CCNI: variants seen among roughly 807,000 people sequenced by gnomAD.
The protein encoded by CCNI is cyclin I, also known as cyclin-I.
Under a neutral mutation model 34.1 loss-of-function variants are expected in CCNI, and 14 were observed. That is an observed-to-expected ratio of 0.41 (90% CI 0.27 to 0.64). CCNI has a LOEUF of 0.64. CCNI is among the 30% of genes least tolerant of loss of function. The pLI is 0.31. For missense variants in CCNI, 385 were observed against 440.5 expected (o/e 0.87, Z 1.13); for synonymous variants, 154 against 158.4 (o/e 0.97, Z 0.21).
chr4:77,055,128 A>G, intron 6 of CCNI, 22 bp downstream of exon 6: 1 of 1,482,346 alleles, frequency 6.7e-7, no homozygotes, highest in Non-Finnish European at 9.4e-7. Flanking sequence ...AAAGAACACT[A>G]TTTAATTAGA....
Position 77,056,260 on chromosome 4 carries a change from C to T in CCNI, c.307G>A (p.Glu103Lys). The T allele has an allele frequency of 1.2e-6, 2 of 1,612,944 alleles. No individual in the cohort carries two copies. The highest frequency in any genetic ancestry group is 1.7e-6 in the Non-Finnish European group (2 of 1,179,026). The change falls in exon 4 of 7, where the codon GAG becomes AAG. Residue 103 changes from glutamate to lysine, a missense_variant. Glu to Lys is a moderately conservative substitution (Grantham distance 56, BLOSUM62 1). This residue lies in a region of CCNI where 135 missense variants were observed against 191.8 expected (regional missense o/e 0.70). Coordinates refer to ENST00000237654, the MANE Select transcript of CCNI (RefSeq NM_006835.3). ...AAAGGATTTATTACCTCATCTTCCT[C>T]AACAGTCTTGGCAGCTAGGAAAAAA... ...SCFFLAAKTV[E>K]EDERIPVLKV...
At position 77,047,579 on chromosome 4, in the gene CCNI, C is replaced by CT. The variant is rs1727518313; in HGVS notation, c.*639dup. The stretch of plus-strand genomic sequence containing the variant: ...AATTACATGCCACTTTTAAGCATCA[C>CT]TTTAAGGTAAACAAAAATGAAAACC... On this transcript the variant is annotated 3_prime_UTR_variant, in exon 7 of 7. Transcript: ENST00000237654. 6.6e-6 allele frequency: 1 copy of CT among 152,164 alleles called. No homozygotes were observed. The highest frequency in any genetic ancestry group is 1.5e-5 in the Non-Finnish European group (1 of 68,058). The allele number at this position is 152,164 out of a possible 1,614,324, so 9.4% of individuals were successfully genotyped here.
intron 2 of CCNI, 129 bp downstream of exon 2, chr4:77,066,120 A>G: frequency 1.4e-6 from 1 of 713,204 alleles, no homozygotes; most frequent in Non-Finnish European, 2.3e-6. Flanking sequence ...AAACAGGGAG[A>G]GTCTCTCAAA....
intron 1 of CCNI, among the ~76,000 whole-genome samples, chr4:77,069,327 G>A (rs1272936256): frequency 2.0e-5 from 3 of 152,146 alleles, no homozygotes; most frequent in African/African-American, 7.2e-5. Flanking sequence ...TGAGGTTGCA[G>A]TGAGCCAAAA....
intron 6 of CCNI, among the ~76,000 whole-genome samples, chr4:77,054,019 T>G (rs1417386981): frequency 6.6e-6 from 1 of 152,066 alleles, no homozygotes; most frequent in Non-Finnish European, 1.5e-5. Flanking sequence ...ACTGCTCTGA[T>G]CATCAACCTT....
rs758300818 is a variant in CCNI, at chr4:77,048,562, G to C, written c.791C>G (p.Pro264Arg). 1.2e-6 allele frequency: 2 copies of C among 1,613,054 alleles called. No individual in the cohort carries two copies. The highest frequency in any genetic ancestry group is 2.2e-5 in the East Asian group (1 of 44,852). The change falls in exon 7 of 7, where the codon CCC (proline) becomes CGC (arginine). Residue 264 changes from proline to arginine, a missense_variant. Pro to Arg is a moderately radical substitution (Grantham distance 103). This residue lies in a region of CCNI where 250 missense variants were observed against 248.7 expected (regional missense o/e 1.01). Transcript: ENST00000237654. ...ACAGGTCACCAGGGTGTGCTTGAGG[G>C]GACGGTAGACATAAACGGAATTCAG... ...LPLNSVYVYR[P>R]LKHTLVTCDK...
intron 1 of CCNI, among the ~76,000 whole-genome samples, chr4:77,071,809 G>C (rs1317137628): frequency 6.6e-6 from 1 of 152,012 alleles, no homozygotes; most frequent in Non-Finnish European, 1.5e-5. Flanking sequence ...AGCTGCACTG[G>C]TGAGATGATT....
chr4:77,072,822 CTG>C (rs1729588475), intron 1 of CCNI, among the ~76,000 whole-genome samples: 2 of 151,974 alleles, frequency 1.3e-5, no homozygotes, highest in South Asian at 4.1e-4. Context: ...GAAAATTTTG[CTG>C]TGATTCTGTA....
intron 6 of CCNI, 112 bp downstream of exon 6, chr4:77,055,033 ACTCTT>A (rs1299269663): frequency 1.5e-6 from 1 of 650,010 alleles, no homozygotes; most frequent in Admixed American, 2.9e-5. Context: ...ACTCTTGTCT[ACTCTT>A]AAGAATGGTT....
chr4:77,074,243 C>G (rs1350563250), intron 1 of CCNI, among the ~76,000 whole-genome samples: 1 of 152,118 alleles, frequency 6.6e-6, no homozygotes, highest in African/African-American at 2.4e-5. Context: ...ACTGAACTTC[C>G]CTAACACATG....
At chr4:77,064,863 G>A (rs1249106391) in intron 2 of CCNI, 1 of 152,158 alleles carries the variant, frequency 6.6e-6, no homozygotes, top group Non-Finnish European at 1.5e-5. Context: ...ATTTTTAGTA[G>A]AGATGGGGTT....
chr4:77,058,526 C>A lies in CCNI; in HGVS notation c.224G>T (p.Arg75Met). The change falls in exon 3 of 7, where the codon AGG becomes ATG. Residue 75 changes from arginine (R) to methionine (M), a missense_variant. Coordinates refer to ENST00000237654, the MANE Select transcript of CCNI (RefSeq NM_006835.3). ...ACTTACCTTTACGGTAGCTAAAAAC[C>A]TATCCAAAAGACTGCTAGCCAGAGC... ...TFALASSLLDRFLATVKAHPK... is the reference protein window; with the variant it reads ...TFALASSLLDMFLATVKAHPK... The A allele has an allele frequency of 6.2e-7, 1 of 1,612,816 alleles. No individual in the cohort carries two copies. The highest frequency in any genetic ancestry group is 8.5e-7 in the Non-Finnish European group (1 of 1,179,452).
At position 77,055,981 on chromosome 4, in the gene CCNI, G is replaced by GGT. The variant is rs1299363049; in HGVS notation, c.438_439dup (p.Pro147HisfsTer27). 6.2e-7 allele frequency: 1 copy of GGT among 1,612,382 alleles called. No individual in the cohort carries two copies. The highest frequency in any genetic ancestry group is 1.7e-5 in the Admixed American group (1 of 59,828). On this transcript the variant is annotated frameshift_variant, in exon 5 of 7. Transcript: ENST00000237654. LOFTEE classifies it high-confidence loss of function. ...ATTTACAATATGAAGAAAATCCAAT[G>GGT]GTGTGGCTGTGTGAAGATCCCAATT... is the stretch of plus-strand genomic sequence containing the variant.
Position 77,048,213 on chromosome 4 carries a change from T to C in CCNI, c.*6A>G. The C allele has an allele frequency of 1.2e-6, 2 of 1,609,240 alleles. No individual in the cohort carries two copies. The highest frequency in any genetic ancestry group is 8.5e-7 in the Non-Finnish European group (1 of 1,176,962). On this transcript the variant is annotated 3_prime_UTR_variant, in exon 7 of 7. Coordinates refer to ENST00000237654, the MANE Select transcript of CCNI (RefSeq NM_006835.3). The stretch of plus-strand genomic sequence containing the variant: ...AGTTTACACTCAAAGGTAGCACTTG[T>C]TGAAACTACATGACAGAAACAGGCT...
At chr4:77,069,085 A>G (rs1223670883) in intron 1 of CCNI, among the ~76,000 whole-genome samples, 1 of 152,216 alleles carries the variant, frequency 6.6e-6, no homozygotes, top group Non-Finnish European at 1.5e-5. Context: ...TTCTTTAATC[A>G]TGTCATAAAG....
At position 77,073,552 on chromosome 4, in the gene CCNI, CCTT is replaced by C. The variant is rs763953457; in HGVS notation, c.-44+1917_-44+1919del. Among the ~76,000 whole-genome samples, 9 of 152,202 alleles carry C rather than the reference CCTT, an allele frequency of 5.9e-5. No individual in the cohort carries two copies. The South Asian group carries it at 8.3e-4, about 14-fold the overall frequency. ...AGAAACTGAAGTTCTACTATTCCCT[CCTT>C]GACTTTATGCACTAGAAACAATGAA... On this transcript the variant is annotated intron_variant, in intron 1 of 6. Coordinates refer to ENST00000237654, the MANE Select transcript of CCNI (RefSeq NM_006835.3).
At chr4:77,063,622 G>A (rs1282579952) in intron 2 of CCNI, among the ~76,000 whole-genome samples, 2 of 151,254 alleles carry the variant, frequency 1.3e-5, no homozygotes, top group African/African-American at 2.4e-5. Flanking sequence ...CCCGGGAGGC[G>A]GAGCTTGCAG....
At chr4:77,053,753 T>C (rs1038926607) in intron 6 of CCNI, among the ~76,000 whole-genome samples, 1 of 152,232 alleles carries the variant, frequency 6.6e-6, no homozygotes, top group Non-Finnish European at 1.5e-5. Flanking sequence ...ATTCCTCTAC[T>C]TCACAGTCTA....
chr4:77,056,403 T>C (rs878880002), intron 3 of CCNI, 80 bp from the exon 4 acceptor site: 5 of 999,380 alleles, frequency 5.0e-6, no homozygotes, highest in Admixed American at 1.8e-5. Flanking sequence ...TTTAAAAACC[T>C]AGATATGCAG....
Sources: gnomAD v4.1 joint callset for allele counts (sites outside exome capture counted in the v4.1 genomes callset) on GRCh38, gnomAD v4.1.1 for gene constraint, gnomAD v4.1.1 regional missense constraint, MANE v1.5 for transcripts, NCBI Gene and HGNC (gene_info 2026-07-23, HGNC 2026-07-21) for gene names.